EFL1: variants seen among roughly 807,000 people sequenced by gnomAD.
EFL1 encodes the protein elongation factor like GTPase 1.
EFL1 carries 76 observed loss-of-function variants against 126.7 expected under a neutral mutation model. The observed-to-expected ratio is 0.60, with a 90% CI of 0.50 to 0.73. The LOEUF is 0.73. Among genes scored for constraint, EFL1 ranks in the 30% least tolerant of loss-of-function variants. The pLI is 0.00. For missense variants in EFL1, 1,128 were observed against 1,343.2 expected, an observed-to-expected ratio of 0.84 and a Z score of 2.50; for synonymous variants, 410 against 448.4, an observed-to-expected ratio of 0.91 and a Z score of 1.08.
At chr15:82,177,910 G>A (rs1354874280) in intron 15 of EFL1, among the ~76,000 whole-genome samples, 1 of 152,144 alleles carries the variant, frequency 6.6e-6, no homozygotes, top group Non-Finnish European at 1.5e-5. Context: ...AAAATAATGT[G>A]AAAGTTATTT....
intron 12 of EFL1, among the ~76,000 whole-genome samples, chr15:82,223,456 T>C (rs2074732109): frequency 6.6e-6 from 1 of 152,144 alleles, no homozygotes; most frequent in South Asian, 2.1e-4. Context: ...AGAAATATAC[T>C]AAAATCAGAA....
At chr15:82,208,989 T>G (rs1220141889) in intron 15 of EFL1, among the ~76,000 whole-genome samples, 1 of 151,740 alleles carries the variant, frequency 6.6e-6, no homozygotes, top group South Asian at 2.1e-4. Flanking sequence ...ACATAACTAC[T>G]AGGAAAAAAG....
In EFL1 at chr15:82,151,529, C is replaced by A; in HGVS notation, c.2925G>T (p.Val975=). 6.2e-7 allele frequency: 1 copy of A among 1,614,094 alleles called. No individual in the cohort carries two copies. Among genetic ancestry groups the A allele is most frequent in the African/African-American group, 1.3e-5 (1 of 75,018 alleles). Residue 975 remains valine (V), a synonymous_variant, in exon 18 of 20, where the codon GTG becomes GTT. Coordinates refer to ENST00000268206, the MANE Select transcript of EFL1 (RefSeq NM_024580.6). ...TAGCTGCCATCAGGCGCTGAGGTTT[C>A]ACTTGCAGTGCATAGCGACATGCTT... ...MKEACRYALQ[V]KPQRLMAAMY...
intron 14 of EFL1, among the ~76,000 whole-genome samples, chr15:82,219,190 C>T (rs748714234): frequency 1.5e-4 from 23 of 152,228 alleles, no homozygotes; most frequent in Non-Finnish European, 2.9e-4. Flanking sequence ...TTAGATGCTG[C>T]CTGTTCACCT....
intron 3 of EFL1, among the ~76,000 whole-genome samples, chr15:82,253,556 C>A (rs757850740): frequency 6.6e-6 from 1 of 152,124 alleles, no homozygotes; most frequent in Non-Finnish European, 1.5e-5. Flanking sequence ...TGAGGGAATT[C>A]TTTCTAAACA....
chr15:82,197,319 G>T (rs1390988023), intron 15 of EFL1, among the ~76,000 whole-genome samples: 5 of 152,236 alleles, frequency 3.3e-5, no homozygotes, highest in Non-Finnish European at 5.9e-5. Context: ...ATTTCTTCCA[G>T]TCATTATAGA....
intron 15 of EFL1, among the ~76,000 whole-genome samples, chr15:82,171,272 A>G (rs1211810159): frequency 6.6e-6 from 1 of 152,194 alleles, no homozygotes; most frequent in African/African-American, 2.4e-5. Context: ...TTAAAGGAAA[A>G]TATTAAGGGT....
At position 82,209,316 on chromosome 15, in the gene EFL1, G is replaced by GACACACACACACACAC. The variant is rs57128885; in HGVS notation, c.1750+5385_1750+5400dup. On this transcript the variant is annotated intron_variant, in intron 15 of 19. Coordinates refer to ENST00000268206, the MANE Select transcript of EFL1 (RefSeq NM_024580.6). ...GACTAAGGATTCACACACAGACACA[G>GACACACACACACACAC]ACACACACACACACACACACACACA... Among the ~76,000 whole-genome samples the GACACACACACACACAC allele has an allele frequency of 5.1e-3, 747 of 146,288 alleles. 12 individuals are homozygous for GACACACACACACACAC. Among genetic ancestry groups the GACACACACACACACAC allele is most frequent in the African/African-American group, 0.016 (640 of 39,308 alleles).
intron 15 of EFL1, among the ~76,000 whole-genome samples, chr15:82,167,300 A>AAAATT (rs1241643485): frequency 2.0e-5 from 3 of 152,226 alleles, no homozygotes; most frequent in African/African-American, 7.2e-5. Context: ...TACAACAAAT[A>AAAATT]AAATTAAATA....
At chr15:82,139,642 G>C (rs1020381684) in intron 18 of EFL1, among the ~76,000 whole-genome samples, 2 of 152,198 alleles carry the variant, frequency 1.3e-5, no homozygotes, top group Admixed American at 1.3e-4. Context: ...GAGATACATT[G>C]AAAATCACAG....
chr15:82,244,190 G>A (rs2074950457), intron 4 of EFL1, among the ~76,000 whole-genome samples: 1 of 152,040 alleles, frequency 6.6e-6, no homozygotes, highest in African/African-American at 2.4e-5. Context: ...GGGGACAGAA[G>A]TCCCATATCC....
intron 15 of EFL1, among the ~76,000 whole-genome samples, chr15:82,211,606 A>G (rs2074591032): frequency 6.7e-6 from 1 of 149,294 alleles, no homozygotes; most frequent in Non-Finnish European, 1.5e-5. Context: ...ACACACACAC[A>G]CACACACACA....
chr15:82,248,549 A>G (rs2074993732), intron 4 of EFL1, among the ~76,000 whole-genome samples: 1 of 152,070 alleles, frequency 6.6e-6, no homozygotes, highest in African/African-American at 2.4e-5. Context: ...CACTAACCCT[A>G]TCCTAACAGA....
intron 7 of EFL1, 29 bp from the exon 8 acceptor site, chr15:82,231,000 T>G (rs1213575509): frequency 1.2e-6 from 2 of 1,604,444 alleles, no homozygotes; most frequent in Non-Finnish European, 1.7e-6. Flanking sequence ...TTCATGTTAT[T>G]AATAACAACG....
At chr15:82,246,397 GAAGGTCATAGATC>G (rs1490671408) in intron 4 of EFL1, among the ~76,000 whole-genome samples, 1 of 152,128 alleles carries the variant, frequency 6.6e-6, no homozygotes, top group Non-Finnish European at 1.5e-5. Context: ...ACCCTGGAGA[GAAGGTCATAGATC>G]AAGGACCAAT....
intron 18 of EFL1, among the ~76,000 whole-genome samples, chr15:82,145,023 G>A (rs540937397): frequency 6.6e-6 from 1 of 151,564 alleles, no homozygotes; most frequent in Non-Finnish European, 1.5e-5. Flanking sequence ...AAACAGCGAG[G>A]CCAGGCACGG....
intron 15 of EFL1, among the ~76,000 whole-genome samples, chr15:82,202,800 A>T (rs1283885788): frequency 2.7e-5 from 4 of 149,758 alleles, no homozygotes; most frequent in Non-Finnish European, 5.9e-5. Context: ...GAAAGATATT[A>T]ATAGTGTTCC....
chr15:82,143,868 G>GT (rs916426084), intron 18 of EFL1, among the ~76,000 whole-genome samples: 13 of 151,986 alleles, frequency 8.6e-5, no homozygotes, highest in African/African-American at 1.7e-4. Flanking sequence ...AAGGACCCCA[G>GT]TTTTTTTTAT....
At chr15:82,248,345 G>A (rs969961685) in intron 4 of EFL1, among the ~76,000 whole-genome samples, 1 of 152,068 alleles carries the variant, frequency 6.6e-6, no homozygotes, top group African/African-American at 2.4e-5. Context: ...AGGACCATGG[G>A]TAAACGTTCA....
Sources: gnomAD v4.1 joint callset for allele counts (sites outside exome capture counted in the v4.1 genomes callset) on GRCh38, gnomAD v4.1.1 for gene constraint, MANE v1.5 for transcripts, NCBI Gene and HGNC (gene_info 2026-07-23, HGNC 2026-07-21) for gene names.